UBQLN1: variants seen among roughly 807,000 people sequenced by gnomAD.
UBQLN1 encodes the protein ubiquilin-1.
UBQLN1 carries 13 observed loss-of-function variants against 65.4 expected under a neutral mutation model. The observed-to-expected ratio is 0.20, with a 90% CI of 0.13 to 0.32. The LOEUF (loss-of-function observed/expected upper bound fraction) is 0.32, where lower values mean the gene tolerates loss of function less well. UBQLN1 is among the 10% of genes least tolerant of loss of function. UBQLN1 has a pLI of 1.00. For synonymous variants in UBQLN1, 267 were observed against 247.8 expected, an observed-to-expected ratio of 1.08 and a Z score of -0.73; for missense variants, 561 against 724.0, an observed-to-expected ratio of 0.77 and a Z score of 2.58.
At position 83,707,730 on chromosome 9, in the gene UBQLN1, C is replaced by G. The variant is rs1177956109; in HGVS notation, c.-51G>C. 6.0e-6 allele frequency: 9 copies of G among 1,504,622 alleles called. No homozygotes were observed. The highest frequency in any genetic ancestry group is 2.4e-5 in the Admixed American group (1 of 41,478). 93.2% of individuals were successfully genotyped at this position (1,504,622 alleles called of 1,614,324 possible). A position where few individuals can be genotyped will look rare whatever the true frequency, so the allele number is the denominator to read the frequency against. On this transcript the variant is annotated 5_prime_UTR_variant, in exon 1 of 11. Transcript: ENST00000376395. ...ACTCAGGCAAGCAGGAGGGAGCAGGCGAGCAAGGAGGAGCCAGCAGACACC... is the reference window on the plus strand; with the variant it reads ...ACTCAGGCAAGCAGGAGGGAGCAGGGGAGCAAGGAGGAGCCAGCAGACACC...
intron 4 of UBQLN1, among the ~76,000 whole-genome samples, chr9:83,679,103 T>C (rs982402023): frequency 6.6e-6 from 1 of 152,152 alleles, no homozygotes; most frequent in African/African-American, 2.4e-5. Context: ...TTGTGCCAAG[T>C]GCCATGTAAT....
chr9:83,688,242 G>A (rs1309016992), intron 1 of UBQLN1, among the ~76,000 whole-genome samples: 1 of 152,112 alleles, frequency 6.6e-6, no homozygotes, highest in South Asian at 2.1e-4. Context: ...ACAATTTTTC[G>A]AGGAAGAGAG....
At chr9:83,679,657 A>G (rs1421878646) in intron 4 of UBQLN1, 118 bp downstream of exon 4, 1 of 1,125,638 alleles carries the variant, frequency 8.9e-7, no homozygotes. Flanking sequence ...TTAAACCAAG[A>G]TAAGGATTTC....
intron 1 of UBQLN1, among the ~76,000 whole-genome samples, chr9:83,699,832 A>G (rs1832282160): frequency 6.6e-6 from 1 of 152,244 alleles, no homozygotes; most frequent in Non-Finnish European, 1.5e-5. Context: ...TAGATAACAC[A>G]TAAGCAAATG....
At chr9:83,693,683 G>C (rs1330368364) in intron 1 of UBQLN1, among the ~76,000 whole-genome samples, 1 of 152,186 alleles carries the variant, frequency 6.6e-6, no homozygotes, top group East Asian at 1.9e-4. Flanking sequence ...AATCTCAGCT[G>C]CTGAGGGCTG....
chr9:83,689,368 T>C lies in UBQLN1; in HGVS notation c.181-3213A>G, dbSNP rs762262093. ...TGCCTTTTGGCTATTATAAACAATGTGATACATTTATCTCAGAGAAACTGA... is the reference window on the plus strand; with the variant it reads ...TGCCTTTTGGCTATTATAAACAATGCGATACATTTATCTCAGAGAAACTGA... On this transcript the variant is annotated intron_variant, in intron 1 of 10. Transcript: ENST00000376395. 9.2e-4 allele frequency among the ~76,000 whole-genome samples: 140 copies of C among 152,200 alleles called. 1 individual carries two copies. The highest frequency in any genetic ancestry group is 1.9e-4 in the Non-Finnish European group (13 of 68,036).
intron 6 of UBQLN1, among the ~76,000 whole-genome samples, chr9:83,670,835 A>C (rs550490579): frequency 1.3e-5 from 2 of 152,342 alleles, no homozygotes; most frequent in Non-Finnish European, 2.9e-5. Flanking sequence ...TGTTCACAGC[A>C]TCTTCACTTA....
At chr9:83,705,478 G>C (rs892775309) in intron 1 of UBQLN1, among the ~76,000 whole-genome samples, 57 of 152,268 alleles carry the variant, frequency 3.7e-4, no homozygotes, top group African/African-American at 1.3e-3. Flanking sequence ...TCGAACCTCA[G>C]GCAATCCACC....
chr9:83,681,960 T>C (rs986867810), intron 3 of UBQLN1, among the ~76,000 whole-genome samples: 2 of 152,146 alleles, frequency 1.3e-5, no homozygotes, highest in Non-Finnish European at 2.9e-5. Context: ...GTAAAAAGCG[T>C]AGCATGCAGA....
chr9:83,674,791 G>A (rs1441304604), intron 6 of UBQLN1, among the ~76,000 whole-genome samples: 7 of 152,088 alleles, frequency 4.6e-5, no homozygotes, highest in Non-Finnish European at 8.8e-5. Context: ...TGAAGTGACC[G>A]GAAAATTACC....
chr9:83,664,951 G>C, intron 9 of UBQLN1, 79 bp downstream of exon 9: 1 of 724,482 alleles, frequency 1.4e-6, no homozygotes, highest in Non-Finnish European at 2.0e-6. Context: ...AAAAAAGGCA[G>C]GCAGAATAAT....
intron 1 of UBQLN1, among the ~76,000 whole-genome samples, chr9:83,691,318 T>A (rs1832125093): frequency 6.6e-6 from 1 of 151,922 alleles, no homozygotes; most frequent in African/African-American, 2.4e-5. Context: ...ACAGAGATAA[T>A]CACCAAAGGC....
rs763528099 is a variant in UBQLN1 at position 83,685,956 on chromosome 9, C to T, written c.332+48G>A. The T allele has an allele frequency of 5.3e-6, 8 of 1,514,710 alleles. No homozygotes were observed. The South Asian group carries it at 6.2e-5, about 12-fold the overall frequency. The allele number at this position is 1,514,710 out of a possible 1,614,324, so 93.8% of individuals were successfully genotyped here. A position where few individuals can be genotyped will look rare whatever the true frequency, so the allele number is the denominator to read the frequency against. On this transcript the variant is annotated intron_variant, in intron 2 of 10. Coordinates refer to ENST00000376395, the MANE Select transcript of UBQLN1 (RefSeq NM_013438.5). ...CCAACACTAGTTACTTTTAGAAGTA[C>T]GAACATTTATCCACAATTTTAAAGC...
intron 1 of UBQLN1, among the ~76,000 whole-genome samples, chr9:83,688,959 G>A (rs1056769742): frequency 1.3e-5 from 2 of 151,904 alleles, no homozygotes; most frequent in Non-Finnish European, 2.9e-5. Flanking sequence ...CTCATACCAC[G>A]TAATTCACTC....
At chr9:83,675,726 C>T (rs1041976431) in intron 6 of UBQLN1, among the ~76,000 whole-genome samples, 2 of 152,118 alleles carry the variant, frequency 1.3e-5, no homozygotes, top group Non-Finnish European at 2.9e-5. Flanking sequence ...GATAAATATG[C>T]TATTAAAATC....
chr9:83,707,386 G>T, intron 1 of UBQLN1, 114 bp downstream of exon 1: 1 of 1,187,456 alleles, frequency 8.4e-7, no homozygotes, highest in Non-Finnish European at 1.1e-6. Flanking sequence ...GACGACGCCC[G>T]GGAGAATGGC....
At chr9:83,668,558 T>TAGTA (rs1471731057) in intron 7 of UBQLN1, 1 of 985,402 alleles carries the variant, frequency 1.0e-6, no homozygotes, top group Non-Finnish European at 1.2e-6. Context: ...CCATCGGTAC[T>TAGTA]GTCTATAAAG....
chr9:83,671,124 C>A (rs147570190), intron 6 of UBQLN1, among the ~76,000 whole-genome samples: 56 of 152,240 alleles, frequency 3.7e-4, no homozygotes, highest in Non-Finnish European at 5.1e-4. Context: ...AGCCAACACA[C>A]CTGGCAGGCT....
intron 1 of UBQLN1, among the ~76,000 whole-genome samples, chr9:83,696,209 A>T (rs1564171848): frequency 6.6e-6 from 1 of 152,350 alleles, no homozygotes; most frequent in East Asian, 1.9e-4. Context: ...ATACACTTAT[A>T]AAGTACAACA....
Sources: allele counts gnomAD v4.1 joint callset (sites outside exome capture counted in the v4.1 genomes callset), GRCh38; gene constraint gnomAD v4.1.1; transcripts MANE v1.5; gene names NCBI Gene and HGNC (gene_info 2026-07-23, HGNC 2026-07-21).